ARHGAP32: variants seen among roughly 807,000 people sequenced by gnomAD.
The protein encoded by ARHGAP32 is Rho GTPase activating protein 32, also known as rho GTPase-activating protein 32.
Under a neutral mutation model 186.5 loss-of-function variants are expected in ARHGAP32, and 51 were observed. That is an observed-to-expected ratio of 0.27 (90% CI 0.22 to 0.35). The LOEUF is 0.35. Ranked by LOEUF, ARHGAP32 falls within the 10% of genes least tolerant of loss-of-function variation. The pLI is 1.00. For synonymous variants in ARHGAP32, 950 were observed against 964.3 expected (o/e 0.99, Z 0.27); for missense variants, 2,186 against 2,623.5 (o/e 0.83, Z 3.64).
At chr11:129,003,609 G>C (rs1265250379) in intron 11 of ARHGAP32, among the ~76,000 whole-genome samples, 2 of 152,000 alleles carry the variant, frequency 1.3e-5, no homozygotes, top group South Asian at 4.1e-4. Context: ...GTTTGATCTT[G>C]GTAGGCTGAA....
chr11:129,261,044 C>T (rs1253132160), intron 1 of ARHGAP32, among the ~76,000 whole-genome samples: 2 of 151,908 alleles, frequency 1.3e-5, no homozygotes, highest in Admixed American at 1.3e-4. Flanking sequence ...TCCTGAGCCA[C>T]CACAGGGTGC....
At chr11:128,982,208 T>TC (rs1945722997) in intron 15 of ARHGAP32, among the ~76,000 whole-genome samples, 1 of 152,146 alleles carries the variant, frequency 6.6e-6, no homozygotes, top group South Asian at 2.1e-4. Context: ...TTTCAACACT[T>TC]CTATGAAAGA....
At chr11:129,205,081 C>A (rs372490607) in intron 1 of ARHGAP32, among the ~76,000 whole-genome samples, 2 of 152,020 alleles carry the variant, frequency 1.3e-5, no homozygotes, top group East Asian at 3.8e-4. Flanking sequence ...TTAATATATG[C>A]AGCTCTTTAA....
At chr11:129,237,821 T>TC (rs1944956181) in intron 1 of ARHGAP32, among the ~76,000 whole-genome samples, 1 of 152,114 alleles carries the variant, frequency 6.6e-6, no homozygotes, top group Admixed American at 6.5e-5. Context: ...ATGACTCTCC[T>TC]TACACTGAGA....
rs564647513 is a variant in ARHGAP32, at chr11:129,080,186, T to C, written c.532-13318A>G. On this transcript the variant is annotated intron_variant, in intron 6 of 22. Transcript: ENST00000682385. ...TCAATACTCTCCTGACAGCACTAAA[T>C]AGGTCATCAAGACAGAAAGTCAACA... Among the ~76,000 whole-genome samples, 21 of 152,090 alleles carry C rather than the reference T, an allele frequency of 1.4e-4. No homozygotes were observed. In the East Asian group the frequency reaches 2.3e-3, roughly 17 times the overall value.
At chr11:129,047,995 T>C (rs1654533101) in intron 10 of ARHGAP32, among the ~76,000 whole-genome samples, 1 of 152,210 alleles carries the variant, frequency 6.6e-6, no homozygotes, top group Admixed American at 6.5e-5. Flanking sequence ...AGGTCCTTAC[T>C]TTTTAGCTCT....
chr11:129,005,459 C>CT (rs1454872515), intron 11 of ARHGAP32, among the ~76,000 whole-genome samples: 1 of 152,154 alleles, frequency 6.6e-6, no homozygotes, highest in African/African-American at 2.4e-5. Flanking sequence ...AATTCCTCAG[C>CT]TTTCATTTGT....
intron 1 of ARHGAP32, among the ~76,000 whole-genome samples, chr11:129,189,662 T>C (rs1944236149): frequency 6.6e-6 from 1 of 152,188 alleles, no homozygotes; most frequent in Non-Finnish European, 1.5e-5. Context: ...ATGAAAGATC[T>C]GTGAGTCAAT....
intron 1 of ARHGAP32, among the ~76,000 whole-genome samples, chr11:129,182,395 C>T (rs1159618386): frequency 6.6e-6 from 1 of 152,054 alleles, no homozygotes; most frequent in Non-Finnish European, 1.5e-5. Context: ...ATTAATCCTT[C>T]ATCTGTAATA....
chr11:129,269,431 TA>T lies in ARHGAP32; in HGVS notation c.-5+9714del, dbSNP rs997339226. On this transcript the variant is annotated intron_variant, in intron 1 of 6. Transcript: ENST00000525234. ...GGACGAAGGCAGCCATGACGAGACTTAAAAGAAGTACATGGCCAGGCGCCAT... is the reference window on the plus strand; with the variant it reads ...GGACGAAGGCAGCCATGACGAGACTTAAAGAAGTACATGGCCAGGCGCCAT... 2.3e-4 allele frequency among the ~76,000 whole-genome samples: 35 copies of T among 152,140 alleles called. 1 individual carries two copies. The highest frequency in any genetic ancestry group is 8.4e-4 in the African/African-American group (35 of 41,518).
intron 6 of ARHGAP32, among the ~76,000 whole-genome samples, chr11:129,068,408 A>T (rs1462256315): frequency 2.0e-5 from 3 of 151,990 alleles, no homozygotes; most frequent in Non-Finnish European, 1.5e-5. Context: ...TTATTTTCTC[A>T]GTTCTATCAC....
At chr11:129,028,307 TG>T (rs2134945552) in intron 11 of ARHGAP32, among the ~76,000 whole-genome samples, 1 of 152,064 alleles carries the variant, frequency 6.6e-6, no homozygotes, top group East Asian at 1.9e-4. Flanking sequence ...CACAAAAAAA[TG>T]GTAAGTCAGT....
chr11:129,149,334 C>T lies in ARHGAP32; in HGVS notation c.225+14985G>A, dbSNP rs150913508. Among the ~76,000 whole-genome samples the T allele has an allele frequency of 6.3e-3, 967 of 152,286 alleles. 11 individuals carry two copies. Among genetic ancestry groups the T allele is most frequent in the African/African-American group, 0.022 (924 of 41,574 alleles). Reference sequence around the variant, plus strand: ...CTTTACTGCTAGCATAACCAGCATTCGAGAAAGCCAGCACACTAAACGTAT... The same window carrying T: ...CTTTACTGCTAGCATAACCAGCATTTGAGAAAGCCAGCACACTAAACGTAT... On this transcript the variant is annotated intron_variant, in intron 2 of 22. Transcript: ENST00000682385.
At chr11:129,159,847 G>A (rs1943492103) in intron 2 of ARHGAP32, among the ~76,000 whole-genome samples, 1 of 152,090 alleles carries the variant, frequency 6.6e-6, no homozygotes, top group African/African-American at 2.4e-5. Context: ...ACCAAATCCA[G>A]GAGCACATTA....
chr11:129,250,433 C>T (rs1382982694), intron 1 of ARHGAP32, among the ~76,000 whole-genome samples: 2 of 152,062 alleles, frequency 1.3e-5, no homozygotes, highest in Non-Finnish European at 2.9e-5. Context: ...ATCCTGGAAC[C>T]CTGAATACTA....
intron 1 of ARHGAP32, among the ~76,000 whole-genome samples, chr11:129,275,773 G>C (rs1945522641): frequency 6.6e-6 from 1 of 152,200 alleles, no homozygotes; most frequent in Non-Finnish European, 1.5e-5. Context: ...TCATTCTCAT[G>C]ACATGAAATT....
rs561816554 is a variant in ARHGAP32 at position 129,256,762 on chromosome 11, G to C, written c.-5+22384C>G. On this transcript the variant is annotated intron_variant, in intron 1 of 6. Coordinates refer to the ARHGAP32 transcript ENST00000525234. Reference sequence around the variant, plus strand: ...TATCAGTTAGGGATAATGTTTAGATGCATGTAAAAAGAAGTCCAAACTATA... The same window carrying C: ...TATCAGTTAGGGATAATGTTTAGATCCATGTAAAAAGAAGTCCAAACTATA... Among the ~76,000 whole-genome samples, 163 of 152,260 alleles carry C rather than the reference G, an allele frequency of 1.1e-3. 1 individual carries two copies. The highest frequency in any genetic ancestry group is 3.8e-3 in the African/African-American group (157 of 41,576).
At chr11:129,055,822 G>C (rs1436242046) in intron 10 of ARHGAP32, among the ~76,000 whole-genome samples, 1 of 152,182 alleles carries the variant, frequency 6.6e-6, no homozygotes, top group East Asian at 1.9e-4. Context: ...AAACTATTCA[G>C]TATGAAAACT....
At chr11:129,270,845 A>G (rs1945464582) in intron 1 of ARHGAP32, among the ~76,000 whole-genome samples, 1 of 152,244 alleles carries the variant, frequency 6.6e-6, no homozygotes, top group African/African-American at 2.4e-5. Context: ...CATTACAAAC[A>G]TTTTGGACCA....
Sources: gnomAD v4.1 joint callset for allele counts (sites outside exome capture counted in the v4.1 genomes callset) on GRCh38, gnomAD v4.1.1 for gene constraint, MANE v1.5 for transcripts, NCBI Gene and HGNC (gene_info 2026-07-23, HGNC 2026-07-21) for gene names.